IQCH: variants seen among roughly 807,000 people sequenced by gnomAD.
The protein encoded by IQCH is IQ domain-containing protein H.
Under a neutral mutation model 117.0 loss-of-function variants are expected in IQCH, and 98 were observed. The ratio of observed to expected loss-of-function variants is 0.84; its 90% CI spans 0.71 to 0.99. The LOEUF (loss-of-function observed/expected upper bound fraction) is 0.99, where lower values mean the gene tolerates loss of function less well. Ranked by LOEUF, IQCH falls within the 50% of genes least tolerant of loss-of-function variation. The probability of loss-of-function intolerance (pLI) is 0.00; values close to 1 mark genes in which losing one functional copy is unlikely to be tolerated. For missense variants in IQCH, 1,102 were observed against 1,243.8 expected (o/e 0.89, Z 1.72); for synonymous variants, 412 against 448.2 (o/e 0.92, Z 1.02).
rs1311496255 is a variant in IQCH at position 67,467,851 on chromosome 15, A to G, written c.2676+2554A>G. 6.6e-6 allele frequency among the ~76,000 whole-genome samples: 1 copy of G among 152,232 alleles called. No individual in the cohort carries two copies. The highest frequency in any genetic ancestry group is 1.5e-5 in the Non-Finnish European group (1 of 68,044). On this transcript the variant is annotated intron_variant, in intron 17 of 20. Transcript: ENST00000335894. This position sits in a 1 kb window ranked among gnomAD's most constrained non-coding sequence, Gnocchi z 5.7. The stretch of plus-strand genomic sequence containing the variant: ...GAGAGCGCATTCAAAACTAATGCCT[A>G]TAAAATGCTTCCAGTGTGGGCCCTT...
At position 67,446,652 on chromosome 15, in the gene IQCH, C is replaced by G. The variant is rs979407834; in HGVS notation, c.2506-18475C>G. ...GGTGGAACTCCAGGGTGCCTTTCAG[C>G]CAGCAGCTACTCAATTGAAATTTTT... is the stretch of plus-strand genomic sequence containing the variant. On this transcript the variant is annotated intron_variant, in intron 16 of 20. Transcript: ENST00000335894. Among the ~76,000 whole-genome samples, 10 of 152,124 alleles carry G rather than the reference C, an allele frequency of 6.6e-5. No individual in the cohort carries two copies. In the South Asian group the frequency reaches 2.1e-3, roughly 32 times the overall value.
At position 67,372,413 on chromosome 15, in the gene IQCH, C is replaced by G; in HGVS notation, c.1056C>G (p.Val352=). The change falls in exon 9 of 21, where the codon GTC becomes GTG. Residue 352 remains valine (V), a synonymous_variant. Transcript: ENST00000335894. The part of the protein sequence containing the change: ...LLSVLEDPAH[V]QMLINLPGQR... ...CAGTGTTAGAGGACCCAGCTCATGT[C>G]CAAATGCTGATAAATCTTCCAGGGC... 1 of 1,614,070 alleles carries G rather than the reference C, an allele frequency of 6.2e-7. No individual in the cohort carries two copies.
rs2083610628 is a variant in IQCH at position 67,490,240 on chromosome 15, C to T, written c.2861+176C>T. 6.6e-6 allele frequency among the ~76,000 whole-genome samples: 1 copy of T among 152,176 alleles called. No individual in the cohort carries two copies. Among genetic ancestry groups the T allele is most frequent in the Non-Finnish European group, 1.5e-5 (1 of 68,038 alleles). Reference sequence around the variant, plus strand: ...TATTTTTTTGAGACGGAGCCTCACTCTGTCACCCAGGCTGGAGTGCAGTGG... The same window carrying T: ...TATTTTTTTGAGACGGAGCCTCACTTTGTCACCCAGGCTGGAGTGCAGTGG... On this transcript the variant is annotated intron_variant, in intron 19 of 20. Transcript: ENST00000335894. This position sits in a 1 kb window ranked among gnomAD's most constrained non-coding sequence, Gnocchi z 4.9.
intron 17 of IQCH, among the ~76,000 whole-genome samples, chr15:67,469,415 TCTC>T (rs1231185529): frequency 1.3e-5 from 2 of 152,188 alleles, no homozygotes; most frequent in African/African-American, 4.8e-5. Flanking sequence ...GGAAGGGACA[TCTC>T]CTGTACGGGG....
chr15:67,266,721 G>GCTAT (rs574435303), intron 3 of IQCH, among the ~76,000 whole-genome samples: 1 of 152,090 alleles, frequency 6.6e-6, no homozygotes, highest in Non-Finnish European at 1.5e-5. Flanking sequence ...ATTGATGATA[G>GCTAT]GTATAAGTCC....
At chr15:67,307,543 C>T (rs1296942395) in intron 4 of IQCH, among the ~76,000 whole-genome samples, 2 of 151,890 alleles carry the variant, frequency 1.3e-5, no homozygotes, top group Admixed American at 1.3e-4. Context: ...GAAAGAAGGG[C>T]GATTTCAAAA....
intron 7 of IQCH, among the ~76,000 whole-genome samples, chr15:67,358,207 C>CTCTTTTTTTTTTTTTTTTTTTTTTTTT (rs768931234): frequency 9.6e-5 from 1 of 10,452 alleles, no homozygotes; most frequent in Non-Finnish European, 1.7e-4. Flanking sequence ...ACTTTCTTTT[C>CTCTTTTTTTTTTTTTTTTTTTTTTTTT]TTTTTTTTTT....
At chr15:67,348,346 C>T (rs903711239) in intron 6 of IQCH, among the ~76,000 whole-genome samples, 17 of 99,690 alleles carry the variant, frequency 1.7e-4, no homozygotes, top group Non-Finnish European at 2.4e-4. Context: ...CATAGAAATT[C>T]GCAAGCCATC....
intron 14 of IQCH, among the ~76,000 whole-genome samples, chr15:67,402,857 T>C (rs1337399021): frequency 6.6e-6 from 1 of 152,212 alleles, no homozygotes; most frequent in Non-Finnish European, 1.5e-5. Flanking sequence ...AACAGTGCTG[T>C]TTATGGGAGC....
chr15:67,351,860 A>G (rs1470065656), intron 6 of IQCH, among the ~76,000 whole-genome samples: 1 of 151,960 alleles, frequency 6.6e-6, no homozygotes. Context: ...CTGTAGCAAT[A>G]TGTTTTAAGT....
chr15:67,279,486 T>C lies in IQCH; in HGVS notation c.361T>C (p.Ser121Pro). 1 of 1,599,180 alleles carries C rather than the reference T, an allele frequency of 6.3e-7. No homozygotes were observed. The highest frequency in any genetic ancestry group is 8.5e-7 in the Non-Finnish European group (1 of 1,170,764). ...GCAACCCCAAAGACAGCACAGTTCATCTCTGCCTGTCTTTCCAAGAGCAAA... is the reference window on the plus strand; with the variant it reads ...GCAACCCCAAAGACAGCACAGTTCACCTCTGCCTGTCTTTCCAAGAGCAAA... ...FWQPQRQHSS[S>P]LPVFPRAKIK... is the part of the protein sequence containing the mutation. Residue 121 changes from serine to proline, a missense_variant, in exon 4 of 21, where the codon TCT becomes CCT. Around this residue, in one of 2 missense-constraint regions of IQCH, gnomAD observed 452 missense variants for 449.6 expected, o/e 1.01. Coordinates refer to ENST00000335894, the MANE Select transcript of IQCH (RefSeq NM_001031715.3).
chr15:67,392,692 G>C (rs1567150775), intron 12 of IQCH, among the ~76,000 whole-genome samples: 3 of 148,842 alleles, frequency 2.0e-5, no homozygotes, highest in African/African-American at 7.4e-5. Flanking sequence ...TGGGAGGATC[G>C]CTTGAGCTTG....
chr15:67,363,565 T>A (rs894965495), intron 8 of IQCH, among the ~76,000 whole-genome samples: 12 of 152,236 alleles, frequency 7.9e-5, no homozygotes, highest in African/African-American at 2.9e-4. Context: ...TTTTTTCAAC[T>A]TTTAGGTTCA....
At position 67,300,668 on chromosome 15, in the gene IQCH, T is replaced by G. The variant is rs374633892; in HGVS notation, c.387+21156T>G. 4.2e-4 allele frequency among the ~76,000 whole-genome samples: 64 copies of G among 152,290 alleles called. No individual in the cohort carries two copies. In the South Asian group the frequency reaches 0.013, roughly 32 times the overall value. ...GTAAATAGCCTCTCTCAACTTTGTT[T>G]GTGAAGCATTTCAATTTTGATTACT... is the stretch of plus-strand genomic sequence containing the variant. On this transcript the variant is annotated intron_variant, in intron 4 of 20. Coordinates refer to ENST00000335894, the MANE Select transcript of IQCH (RefSeq NM_001031715.3).
chr15:67,430,942 A>G lies in IQCH; in HGVS notation c.2505+9365A>G, dbSNP rs968264735. 1.3e-5 allele frequency among the ~76,000 whole-genome samples: 2 copies of G among 152,230 alleles called. No individual in the cohort carries two copies. Among genetic ancestry groups the G allele is most frequent in the Non-Finnish European group, 2.9e-5 (2 of 68,036 alleles). The stretch of plus-strand genomic sequence containing the variant: ...AAAAGGTAATATCAGTTTAACGGCC[A>G]AATGATTTTTCTACATGCATTCAGA... On this transcript the variant is annotated intron_variant, in intron 16 of 20. Coordinates refer to ENST00000335894, the MANE Select transcript of IQCH (RefSeq NM_001031715.3). This position sits in a 1 kb window ranked among gnomAD's most constrained non-coding sequence, Gnocchi z 5.1.
chr15:67,324,609 T>A (rs1448172989), intron 4 of IQCH, among the ~76,000 whole-genome samples: 18 of 119,212 alleles, frequency 1.5e-4, no homozygotes, highest in African/African-American at 3.3e-4. Context: ...AGACTCTGTC[T>A]AAAAAAAAAA....
At chr15:67,302,980 T>C (rs919594489) in intron 4 of IQCH, among the ~76,000 whole-genome samples, 2 of 152,200 alleles carry the variant, frequency 1.3e-5, no homozygotes, top group African/African-American at 2.4e-5. Context: ...TCTGTAGATA[T>C]TTTTGTAGCC....
intron 8 of IQCH, among the ~76,000 whole-genome samples, chr15:67,360,419 T>C (rs946904101): frequency 6.6e-6 from 1 of 152,132 alleles, no homozygotes; most frequent in Non-Finnish European, 1.5e-5. Context: ...GGCAAGTACA[T>C]GCCAGCAAGG....
intron 14 of IQCH, among the ~76,000 whole-genome samples, chr15:67,415,541 G>A (rs1197059296): frequency 2.0e-5 from 3 of 152,200 alleles, no homozygotes; most frequent in South Asian, 2.1e-4. Context: ...AGTGTCAGAT[G>A]TTTGTCTTCT....
Sources: allele counts gnomAD v4.1 joint callset (sites outside exome capture counted in the v4.1 genomes callset), GRCh38; gene constraint gnomAD v4.1.1; regional missense constraint gnomAD v4.1.1; non-coding constraint Gnocchi (gnomAD v3.1); transcripts MANE v1.5; gene names NCBI Gene and HGNC (gene_info 2026-07-23, HGNC 2026-07-21).